KIF6: variants seen among roughly 807,000 people sequenced by gnomAD.
The protein encoded by KIF6 is kinesin family member 6.
Under a neutral mutation model 112.7 loss-of-function variants are expected in KIF6, and 106 were observed. The observed-to-expected ratio is 0.94, with a 90% CI of 0.80 to 1.11. The LOEUF (loss-of-function observed/expected upper bound fraction) is 1.11. Among genes scored for constraint, KIF6 ranks in the 50% least tolerant of loss-of-function variants. KIF6 has a pLI of 0.00. For synonymous variants in KIF6, 339 were observed against 339.9 expected (o/e 1.00, Z 0.03); for missense variants, 929 against 964.0 (o/e 0.96, Z 0.48).
intron 21 of KIF6, among the ~76,000 whole-genome samples, chr6:39,345,487 G>A (rs1041913071): frequency 6.6e-6 from 1 of 152,188 alleles, no homozygotes. Context: ...CCAACACAGG[G>A]CCCTGGTGAC....
At chr6:39,656,956 C>T (rs1004715401) in intron 3 of KIF6, among the ~76,000 whole-genome samples, 2 of 152,134 alleles carry the variant, frequency 1.3e-5, no homozygotes, top group South Asian at 2.1e-4. Context: ...TTTGGCCGGG[C>T]ATGGTGGCTC....
At chr6:39,678,924 C>T (rs1044875676) in intron 3 of KIF6, among the ~76,000 whole-genome samples, 3 of 152,026 alleles carry the variant, frequency 2.0e-5, no homozygotes, top group Non-Finnish European at 4.4e-5. Context: ...GCCCCAGTAC[C>T]CTCTTCCAGA....
chr6:39,504,113 TAATGGCAAACTG>T (rs1174002598), intron 13 of KIF6, among the ~76,000 whole-genome samples: 6 of 152,174 alleles, frequency 3.9e-5, no homozygotes, highest in African/African-American at 1.4e-4. Context: ...CTCAACAAAA[TAATGGCAAACTG>T]AATCTGGCAG....
chr6:39,620,050 C>A (rs1359300713), intron 5 of KIF6, among the ~76,000 whole-genome samples: 1 of 152,132 alleles, frequency 6.6e-6, no homozygotes, highest in Non-Finnish European at 1.5e-5. Flanking sequence ...CAGACATCAT[C>A]ATTTGCATGC....
In KIF6 at chr6:39,330,616, A is replaced by G. The variant is rs1762705043; in HGVS notation, c.*5916T>C. On this transcript the variant is annotated 3_prime_UTR_variant, in exon 23 of 23. Transcript: ENST00000287152. Reference sequence around the variant, plus strand: ...GGAGCTGAGTGAATGGAGAGGGAAGAGTACCAGCTGGCATGCTGCTTGCTC... The same window carrying G: ...GGAGCTGAGTGAATGGAGAGGGAAGGGTACCAGCTGGCATGCTGCTTGCTC... 6.6e-6 allele frequency: 1 copy of G among 152,224 alleles called. No individual in the cohort carries two copies. Among genetic ancestry groups the G allele is most frequent in the Non-Finnish European group, 1.5e-5 (1 of 68,040 alleles). The allele number at this position is 152,224 out of a possible 1,614,324, so 9.4% of individuals were successfully genotyped here.
chr6:39,359,024 TTTTC>T (rs1764925789), intron 18 of KIF6, among the ~76,000 whole-genome samples: 1 of 152,182 alleles, frequency 6.6e-6, no homozygotes, highest in Non-Finnish European at 1.5e-5. Flanking sequence ...TTCTAACTAG[TTTTC>T]TTTGTTATCT....
intron 15 of KIF6, among the ~76,000 whole-genome samples, chr6:39,407,848 G>A (rs544430998): frequency 1.3e-5 from 2 of 152,086 alleles, no homozygotes; most frequent in African/African-American, 2.4e-5. Flanking sequence ...TGTGACCAAG[G>A]TTACTTTAAA....
At chr6:39,455,307 G>A (rs1352781913) in intron 13 of KIF6, among the ~76,000 whole-genome samples, 1 of 151,622 alleles carries the variant, frequency 6.6e-6, no homozygotes, top group African/African-American at 2.4e-5. Context: ...GCAGCTGAGG[G>A]TCCTGTCTGT....
intron 14 of KIF6, among the ~76,000 whole-genome samples, chr6:39,429,725 A>G (rs56126336): frequency 0.063 from 9,517 of 152,176 alleles, 486 homozygotes; most frequent in African/African-American, 0.14. Context: ...TGGCTAACAC[A>G]GTGAAACCCC....
rs771821721 is a variant in KIF6, at chr6:39,639,609, C to A, written c.399+1G>T. ...AATGATATGAACGAAAAGTTTCATA[C>A]CTTTTGTAACTGTTCAAAAATGTAT... is the stretch of plus-strand genomic sequence containing the variant. On this transcript the variant is annotated splice_donor_variant, in intron 4 of 22. Coordinates refer to ENST00000287152, the MANE Select transcript of KIF6 (RefSeq NM_145027.6). LOFTEE classifies it high-confidence loss of function. 1.9e-6 allele frequency: 3 copies of A among 1,560,872 alleles called. No homozygotes were observed. Among genetic ancestry groups the A allele is most frequent in the Non-Finnish European group, 2.6e-6 (3 of 1,157,496 alleles).
chr6:39,640,320 C>T (rs969193033), intron 3 of KIF6, among the ~76,000 whole-genome samples: 11 of 152,074 alleles, frequency 7.2e-5, no homozygotes, highest in Non-Finnish European at 1.5e-4. Context: ...CCCTGCAGAG[C>T]GGCCCTTGAT....
Position 39,634,833 on chromosome 6 carries a change from T to C in KIF6, c.509+16A>G. ...GAAAGTAATTTCCCTCCATTCTTTG[T>C]TGTTCTGCTACTCACGGCAAATCTT... On this transcript the variant is annotated intron_variant, in intron 5 of 22. Coordinates refer to ENST00000287152, the MANE Select transcript of KIF6 (RefSeq NM_145027.6). 7.1e-7 allele frequency: 1 copy of C among 1,409,190 alleles called. No homozygotes were observed. Among genetic ancestry groups the C allele is most frequent in the Non-Finnish European group, 1.0e-6 (1 of 993,642 alleles). 87.3% of individuals were successfully genotyped at this position (1,409,190 alleles called of 1,614,324 possible). A position where few individuals can be genotyped will look rare whatever the true frequency, so the allele number is the denominator to read the frequency against.
chr6:39,629,358 GC>G (rs1300561597), intron 5 of KIF6, among the ~76,000 whole-genome samples: 1 of 152,008 alleles, frequency 6.6e-6, no homozygotes, highest in Non-Finnish European at 1.5e-5. Flanking sequence ...TTAGATTTTA[GC>G]CAGTCTAATT....
chr6:39,549,482 A>C (rs544320378), intron 10 of KIF6, among the ~76,000 whole-genome samples: 3 of 152,348 alleles, frequency 2.0e-5, no homozygotes, highest in African/African-American at 7.2e-5. Context: ...TATCTTGTCC[A>C]AGCTCACACA....
At chr6:39,567,460 C>A (rs913682484) in intron 10 of KIF6, among the ~76,000 whole-genome samples, 1 of 152,202 alleles carries the variant, frequency 6.6e-6, no homozygotes, top group Non-Finnish European at 1.5e-5. Context: ...TAAAAGTTCC[C>A]TGCCTGATCT....
intron 5 of KIF6, among the ~76,000 whole-genome samples, chr6:39,617,540 T>C (rs1432247156): frequency 6.6e-6 from 1 of 152,122 alleles, no homozygotes; most frequent in Non-Finnish European, 1.5e-5. Flanking sequence ...TCCCCTATGA[T>C]GGTATAGGTC....
At chr6:39,658,127 T>C (rs1184017353) in intron 3 of KIF6, among the ~76,000 whole-genome samples, 1 of 152,234 alleles carries the variant, frequency 6.6e-6, no homozygotes. Context: ...GTATGCATTA[T>C]GTGTTAAGTT....
intron 3 of KIF6, among the ~76,000 whole-genome samples, chr6:39,680,107 G>A (rs1787429734): frequency 6.6e-6 from 1 of 151,236 alleles, no homozygotes; most frequent in African/African-American, 2.4e-5. Flanking sequence ...TTCCCGGGTT[G>A]AGCAATTCTC....
chr6:39,342,710 A>G lies in KIF6; in HGVS notation c.2428+999T>C, dbSNP rs564341256. ...TCTCAGGCTTAAGAAAGGACCTGAC[A>G]GTGTTGCTGAGGCTGCTGGTCCTGG... On this transcript the variant is annotated intron_variant, in intron 22 of 22. Transcript: ENST00000287152. This position sits in a 1 kb window ranked among gnomAD's most constrained non-coding sequence, Gnocchi z 4.7. The G allele has an allele frequency of 2.7e-6, 2 of 736,508 alleles. No homozygotes were observed. The highest frequency in any genetic ancestry group is 6.1e-5 in the South Asian group (1 of 16,276). The allele number at this position is 736,508 out of a possible 1,614,324, so 45.6% of individuals were successfully genotyped here. A position where few individuals can be genotyped will look rare whatever the true frequency, so the allele number is the denominator to read the frequency against.
Sources: allele counts gnomAD v4.1 joint callset (sites outside exome capture counted in the v4.1 genomes callset), GRCh38; gene constraint gnomAD v4.1.1; non-coding constraint Gnocchi (gnomAD v3.1); transcripts MANE v1.5; gene names NCBI Gene and HGNC (gene_info 2026-07-23, HGNC 2026-07-21).